The following BRDT variants were observed in gnomAD, a reference collection of about 807,000 sequenced individuals.
BRDT encodes the protein bromodomain testis-specific protein.
Under a neutral mutation model 113.9 loss-of-function variants are expected in BRDT, and 77 were observed. The observed-to-expected ratio is 0.68, with a 90% CI of 0.56 to 0.82. The LOEUF (loss-of-function observed/expected upper bound fraction) is 0.82. Ranked by LOEUF, BRDT falls within the 40% of genes least tolerant of loss-of-function variation. The probability of loss-of-function intolerance (pLI) is 0.00; values close to 1 mark genes in which losing one functional copy is unlikely to be tolerated. For synonymous variants in BRDT, 358 were observed against 366.5 expected, an observed-to-expected ratio of 0.98 and a Z score of 0.26; for missense variants, 1,027 against 1,105.4, an observed-to-expected ratio of 0.93 and a Z score of 1.01.
intron 1 of BRDT, chr1:91,957,500 A>C (rs1000117573): frequency 6.6e-6 from 1 of 152,344 alleles, no homozygotes; most frequent in African/African-American, 2.4e-5. Flanking sequence ...CTCAAAAAAA[A>C]AAAAATTTTA....
rs768666658 is a variant in BRDT, at chr1:91,992,306, G to T, written c.2107G>T (p.Val703Phe). ...ECIPPEGRTG[V>F]TQIGYCVQDT... ...CATACCGCCTGAAGGAAGAACAGGC[G>T]TCACACAGGTAATGCTTAAAATGTG... The change falls in exon 14 of 19, where the codon GTC (valine) becomes TTC (phenylalanine). Residue 703 changes from valine to phenylalanine, a missense_variant. Val to Phe is a conservative substitution (Grantham distance 50). Transcript: ENST00000399546. The T allele has an allele frequency of 1.3e-6, 2 of 1,513,816 alleles. No homozygotes were observed. Among genetic ancestry groups the T allele is most frequent in the East Asian group, 2.4e-5 (1 of 40,848 alleles). 93.8% of individuals were successfully genotyped at this position (1,513,816 alleles called of 1,614,324 possible). A position where few individuals can be genotyped will look rare whatever the true frequency, so the allele number is the denominator to read the frequency against.
At chr1:92,003,708 A>G (rs527916964) in intron 16 of BRDT, among the ~76,000 whole-genome samples, 1 of 152,308 alleles carries the variant, frequency 6.6e-6, no homozygotes, top group South Asian at 2.1e-4. Flanking sequence ...TGAAGTTGAA[A>G]TGTCCTACAA....
chr1:91,979,508 T>G, intron 7 of BRDT, 61 bp from the exon 8 acceptor site: 1 of 1,478,340 alleles, frequency 6.8e-7, no homozygotes, highest in Non-Finnish European at 9.3e-7. Flanking sequence ...TGTTAAAAGC[T>G]GTGATTGCTG....
intron 12 of BRDT, among the ~76,000 whole-genome samples, chr1:91,987,950 A>G (rs1685410892): frequency 6.6e-6 from 1 of 151,970 alleles, no homozygotes; most frequent in Admixed American, 6.6e-5. Flanking sequence ...CCCGGCTTCA[A>G]GCAATTCTTC....
Position 91,980,999 on chromosome 1 carries a change from A to G in BRDT, c.1571A>G (p.Lys524Arg), listed in dbSNP as rs777673420. Residue 524 changes from lysine (K) to arginine (R), a missense_variant, in exon 10 of 19, where the codon AAA (lysine) becomes AGA (arginine). Lys to Arg is a conservative substitution (Grantham distance 26). Transcript: ENST00000399546. ...EKRQLSLNIN[K>R]LPGDKLGRVV... Reference sequence around the variant, plus strand: ...AGGCAGTTAAGTCTGAATATAAACAAACTCCCTGGAGATAAACTTGGGCGA... The same window carrying G: ...AGGCAGTTAAGTCTGAATATAAACAGACTCCCTGGAGATAAACTTGGGCGA... 5.6e-6 allele frequency: 9 copies of G among 1,614,096 alleles called. No homozygotes were observed. Among genetic ancestry groups the G allele is most frequent in the Non-Finnish European group, 7.6e-6 (9 of 1,180,000 alleles).
rs966977734 is a variant in BRDT at position 91,964,070 on chromosome 1, G to A, written c.193-557G>A. On this transcript the variant is annotated intron_variant, in intron 2 of 18. Coordinates refer to ENST00000399546, the MANE Select transcript of BRDT (RefSeq NM_207189.4). ...GTTGTTTTTTTTTGTTGTTGTTGTT[G>A]TGTTTTTTGAGACAGAGTCTCGCTC... Among the ~76,000 whole-genome samples, 42 of 151,732 alleles carry A rather than the reference G, an allele frequency of 2.8e-4. 1 individual carries two copies. The highest frequency in any genetic ancestry group is 6.9e-3 in the Middle Eastern group (2 of 290).
At chr1:92,002,695 A>G (rs990860066) in intron 16 of BRDT, among the ~76,000 whole-genome samples, 3 of 152,114 alleles carry the variant, frequency 2.0e-5, no homozygotes, top group African/African-American at 4.8e-5. Context: ...TGAAAGTTCT[A>G]TAATGTTGAT....
chr1:91,984,212 A>T (rs1684987294), intron 12 of BRDT, among the ~76,000 whole-genome samples: 2 of 151,156 alleles, frequency 1.3e-5, no homozygotes, highest in African/African-American at 2.4e-5. Flanking sequence ...TTTTGTCCTA[A>T]TTTTTTTTTG....
At chr1:91,970,910 CAAA>C (rs56365341) in intron 4 of BRDT, among the ~76,000 whole-genome samples, 6,438 of 113,916 alleles carry the variant, frequency 0.057, 147 homozygotes, top group Middle Eastern at 0.12. Context: ...GACCCTTTCT[CAAA>C]AAAAAAAAAA....
chr1:91,964,501 T>C, intron 2 of BRDT, 126 bp from the exon 3 acceptor site: 3 of 608,148 alleles, frequency 4.9e-6, no homozygotes, highest in Non-Finnish European at 5.0e-6. Flanking sequence ...AGCCAGAATA[T>C]GGCTTTTTAA....
At chr1:91,981,590 C>T in intron 11 of BRDT, 28 bp from the exon 12 acceptor site, 1 of 1,606,288 alleles carries the variant, frequency 6.2e-7, no homozygotes, top group South Asian at 1.1e-5. Context: ...ATTCTTCTGG[C>T]ATTTTAATAT....
intron 1 of BRDT, among the ~76,000 whole-genome samples, chr1:91,959,031 A>G (rs544442960): frequency 7.2e-5 from 11 of 152,288 alleles, no homozygotes; most frequent in Middle Eastern, 3.4e-3. Flanking sequence ...CCTGGGAGAC[A>G]GTAAGACCCT....
Position 92,004,586 on chromosome 1 carries a change from C to T in BRDT, c.2561C>T (p.Thr854Ile). 1 of 1,610,316 alleles carries T rather than the reference C, an allele frequency of 6.2e-7. No individual in the cohort carries two copies. Among genetic ancestry groups the T allele is most frequent in the East Asian group, 2.2e-5 (1 of 44,718 alleles). Residue 854 changes from threonine to isoleucine, a missense_variant, in exon 17 of 19, where the codon ACA becomes ATA. Physicochemically the swap from Thr to Ile is moderately conservative, Grantham distance 89. Coordinates refer to ENST00000399546, the MANE Select transcript of BRDT (RefSeq NM_207189.4). ...ATACGGAAGCATTTGGAACAAAATACAAAGGAACTAAAAGCATCTCAAGAA... is the reference window on the plus strand; with the variant it reads ...ATACGGAAGCATTTGGAACAAAATATAAAGGAACTAAAAGCATCTCAAGAA... Reference protein sequence around the residue: ...ELIRKHLEQNTKELKASQENQ... With the variant: ...ELIRKHLEQNIKELKASQENQ...
chr1:91,965,822 G>A (rs1348514076), intron 3 of BRDT, among the ~76,000 whole-genome samples: 1 of 151,798 alleles, frequency 6.6e-6, no homozygotes, highest in Non-Finnish European at 1.5e-5. Context: ...ACTCCAGCCT[G>A]GTGACAGAGC....
intron 1 of BRDT, chr1:91,952,264 T>C (rs1428308436): frequency 6.6e-6 from 1 of 152,160 alleles, no homozygotes; most frequent in Non-Finnish European, 1.5e-5. Context: ...GCATGGTAAG[T>C]GTTAATCTTA....
At chr1:91,992,380 CT>C in intron 14 of BRDT, 66 bp downstream of exon 14, 1 of 499,326 alleles carries the variant, frequency 2.0e-6, no homozygotes, top group Non-Finnish European at 3.1e-6. Flanking sequence ...TAGGGGCTTA[CT>C]TTTTAAAATA....
intron 11 of BRDT, 80 bp downstream of exon 11, chr1:91,981,461 T>A: frequency 6.7e-7 from 1 of 1,501,636 alleles, no homozygotes. Flanking sequence ...CCCAGGCTGG[T>A]CTTGAACTCC....
rs745864820 is a variant in BRDT at position 91,981,144 on chromosome 1, G to C, written c.1716G>C (p.Ser572=). The C allele has an allele frequency of 1.9e-6, 3 of 1,612,348 alleles. No homozygotes were observed. The highest frequency in any genetic ancestry group is 3.4e-5 in the Admixed American group (2 of 59,628). Residue 572 remains serine, a synonymous_variant, in exon 10 of 19, where the codon TCG becomes TCC. Transcript: ENST00000399546. The part of the protein sequence containing the change: ...STLRELEKYV[S]ACLRKRPLKP... The stretch of plus-strand genomic sequence containing the variant: ...TAAGAGAATTAGAAAAATATGTTTC[G>C]GCATGTCTAAGAAAGAGACCATTAA...
chr1:92,013,418 C>T (rs2101849982), intron 18 of BRDT, among the ~76,000 whole-genome samples: 1 of 152,218 alleles, frequency 6.6e-6, no homozygotes, highest in East Asian at 1.9e-4. Flanking sequence ...TTCAAGAAGC[C>T]AACCAACTGA....
Sources: gnomAD v4.1 joint callset for allele counts (sites outside exome capture counted in the v4.1 genomes callset) on GRCh38, gnomAD v4.1.1 for gene constraint, MANE v1.5 for transcripts, NCBI Gene and HGNC (gene_info 2026-07-23, HGNC 2026-07-21) for gene names.